Variants in SLC12A6 observed in about 807,000 individuals in gnomAD.
The protein encoded by SLC12A6 is K-Cl cotransporter 3.
SLC12A6 carries 66 observed loss-of-function variants against 135.3 expected under a neutral mutation model. The observed-to-expected ratio is 0.49, with a 90% CI of 0.40 to 0.60. SLC12A6 has a LOEUF of 0.60. Ranked by LOEUF, SLC12A6 falls within the 20% of genes least tolerant of loss-of-function variation. The pLI, the probability that SLC12A6 is intolerant of heterozygous loss-of-function variation, is 0.00. For missense variants in SLC12A6, 1,058 were observed against 1,452.3 expected (o/e 0.73, Z 4.41); for synonymous variants, 513 against 508.8 (o/e 1.01, Z -0.11).
intron 21 of SLC12A6, 108 bp from the exon 22 acceptor site, chr15:34,237,658 T>A: frequency 3.4e-6 from 3 of 895,016 alleles, no homozygotes; most frequent in Non-Finnish European, 5.5e-6. Context: ...ATATGTAGTA[T>A]AAGGCTATTT....
chr15:34,319,726 G>A (rs1176032205), intron 2 of SLC12A6, among the ~76,000 whole-genome samples: 2 of 151,794 alleles, frequency 1.3e-5, no homozygotes, highest in Non-Finnish European at 2.9e-5. Flanking sequence ...TTGAATCCAG[G>A]AGGCGGAGAT....
chr15:34,305,614 A>C (rs1896552969), intron 2 of SLC12A6, among the ~76,000 whole-genome samples: 1 of 152,022 alleles, frequency 6.6e-6, no homozygotes, highest in Non-Finnish European at 1.5e-5. Flanking sequence ...TCTAGCAGAG[A>C]TAGTTTTAAA....
Position 34,237,529 on chromosome 15 carries a change from G to A in SLC12A6, c.2824C>T (p.Arg942Trp), listed in dbSNP as rs1433837086. The stretch of plus-strand genomic sequence containing the variant: ...TCTAATTGGGCTACTGTGAAGATCC[G>A]TATGCTGCACTTTCGCCACACCTGA... ...QHKVWRKCSI[R>W]IFTVAQLEDN... is the part of the protein sequence containing the mutation. Residue 942 changes from arginine (R) to tryptophan (W), a missense_variant, in exon 22 of 26, where the codon CGG (arginine) becomes TGG (tryptophan). By Grantham distance (101) the Arg-to-Trp change is moderately radical. Transcript: ENST00000354181. 1 of 1,611,722 alleles carries A rather than the reference G, an allele frequency of 6.2e-7. No homozygotes were observed. The highest frequency in any genetic ancestry group is 1.7e-5 in the Admixed American group (1 of 59,982).
At chr15:34,244,334 TA>T (rs1891844189) in intron 15 of SLC12A6, among the ~76,000 whole-genome samples, 1 of 152,244 alleles carries the variant, frequency 6.6e-6, no homozygotes, top group Admixed American at 6.5e-5. Flanking sequence ...CAAATTCACT[TA>T]CCAAGTCCTA....
chr15:34,247,629 CAG>C (rs765088247), intron 13 of SLC12A6, among the ~76,000 whole-genome samples: 6 of 151,946 alleles, frequency 3.9e-5, no homozygotes, highest in Non-Finnish European at 2.9e-5. Context: ...GGTCAAGAAA[CAG>C]AACACTGCCA....
chr15:34,231,055 T>TA lies in SLC12A6; in HGVS notation c.*2825dup, dbSNP rs1451532139. On this transcript the variant is annotated 3_prime_UTR_variant, in exon 26 of 26. Transcript: ENST00000354181. Reference sequence around the variant, plus strand: ...GGCTGACCTTTACAGTATGGGCCTTTAAGATACTGGATCCTGGTTGGGCAC... The same window carrying TA: ...GGCTGACCTTTACAGTATGGGCCTTTAAAGATACTGGATCCTGGTTGGGCAC... The TA allele has an allele frequency of 2.0e-5, 3 of 152,280 alleles. No homozygotes were observed. Among genetic ancestry groups the TA allele is most frequent in the African/African-American group, 7.2e-5 (3 of 41,462 alleles). 9.4% of individuals were successfully genotyped at this position (152,280 alleles called of 1,614,324 possible).
chr15:34,254,480 A>G lies in SLC12A6; in HGVS notation c.986T>C (p.Met329Thr), dbSNP rs775696544. 114 of 1,613,898 alleles carry G rather than the reference A, an allele frequency of 7.1e-5. 1 individual carries two copies. The South Asian group carries it at 1.1e-3, about 16-fold the overall frequency. The stretch of plus-strand genomic sequence containing the variant: ...TACGCCGATAAATACCACTAATACC[A>G]TAAGGACCAAGAAAGCTGTGCCGTA... ...RVYGTAFLVL[M>T]VLVVFIGVRY... Residue 329 changes from methionine (M) to threonine (T), a missense_variant, in exon 9 of 26, where the codon ATG becomes ACG. Physicochemically the swap from Met to Thr is moderately conservative, Grantham distance 81 (BLOSUM62 -1). Coordinates refer to ENST00000354181, the MANE Select transcript of SLC12A6 (RefSeq NM_001365088.1).
chr15:34,267,229 TCTC>T (rs933517881), intron 3 of SLC12A6, among the ~76,000 whole-genome samples: 10 of 144,010 alleles, frequency 6.9e-5, no homozygotes, highest in African/African-American at 1.3e-4. Flanking sequence ...TTCCCAGTAG[TCTC>T]TTTTTAAAAA....
chr15:34,250,722 CATG>C lies in SLC12A6; in HGVS notation c.1497_1499del (p.Ile499del). 1 of 1,587,842 alleles carries C rather than the reference CATG, an allele frequency of 6.3e-7. No individual in the cohort carries two copies. Among genetic ancestry groups the C allele is most frequent in the Non-Finnish European group, 8.6e-7 (1 of 1,156,144 alleles). On this transcript the variant is annotated inframe_deletion, in exon 12 of 26. Coordinates refer to ENST00000354181, the MANE Select transcript of SLC12A6 (RefSeq NM_001365088.1). Reference sequence around the variant, plus strand: ...GATCTCCAGATCTGTTTGATCCAGCCATGATACCTTTAGAGATAAGGGGGAAAA... The same window carrying C: ...GATCTCCAGATCTGTTTGATCCAGCCATACCTTTAGAGATAAGGGGGAAAA...
In SLC12A6 at chr15:34,336,432, A is replaced by T. The variant is rs771560750; in HGVS notation, c.249T>A (p.Ser83=). ...VALDPPSDRT[S]HPQDVIEDLS... ...TACCCTCGATGACATCCTGGGGGTG[A>T]GAAGTCCGGTCACTGGGTGGATCCA... is the stretch of plus-strand genomic sequence containing the variant. The change falls in exon 2 of 26, where the codon TCT becomes TCA. Residue 83 remains serine (S), a synonymous_variant. Coordinates refer to ENST00000354181, the MANE Select transcript of SLC12A6 (RefSeq NM_001365088.1). 6.2e-7 allele frequency: 1 copy of T among 1,613,916 alleles called. No homozygotes were observed. The highest frequency in any genetic ancestry group is 8.5e-7 in the Non-Finnish European group (1 of 1,179,896).
In SLC12A6 at chr15:34,231,364, G is replaced by GGAA; in HGVS notation, c.*2516_*2517insTTC. On this transcript the variant is annotated 3_prime_UTR_variant, in exon 26 of 26. Transcript: ENST00000354181. ...GCAACAAGAGCGAAACTACGTCTCGGAAAAAAAAAAAAAAGATACTGGATC... is the reference window on the plus strand; with the variant it reads ...GCAACAAGAGCGAAACTACGTCTCGGGAAAAAAAAAAAAAAAAGATACTGGATC... 2 of 138,082 alleles carry GGAA rather than the reference G, an allele frequency of 1.4e-5. No homozygotes were observed. The highest frequency in any genetic ancestry group is 2.2e-4 in the East Asian group (1 of 4,622). The allele number at this position is 138,082 out of a possible 1,614,324, so 8.6% of individuals were successfully genotyped here.
intron 2 of SLC12A6, among the ~76,000 whole-genome samples, chr15:34,278,650 C>T (rs189435427): frequency 2.8e-4 from 42 of 152,064 alleles, no homozygotes; most frequent in African/African-American, 9.9e-4. Context: ...CGGCTCACTG[C>T]AACCTCCACC....
rs1057523886 is a variant in SLC12A6, at chr15:34,275,337, T to A, written c.316+8A>T. The A allele has an allele frequency of 2.1e-6, 3 of 1,424,712 alleles. No homozygotes were observed. Among genetic ancestry groups the A allele is most frequent in the Non-Finnish European group, 3.0e-6 (3 of 1,007,970 alleles). 88.3% of individuals were successfully genotyped at this position (1,424,712 alleles called of 1,614,324 possible). A position where few individuals can be genotyped will look rare whatever the true frequency, so the allele number is the denominator to read the frequency against. On this transcript the variant is annotated splice_region_variant and intron_variant, in intron 3 of 25. Transcript: ENST00000354181. ...TGGATAAAGTCAATCCCCACAGTAA[T>A]ACTATACCTAACAGTTGGCTGTGTT...
At chr15:34,328,078 C>T (rs929607353) in intron 2 of SLC12A6, among the ~76,000 whole-genome samples, 2 of 151,512 alleles carry the variant, frequency 1.3e-5, no homozygotes, top group African/African-American at 4.9e-5. Context: ...GAGACTGAAA[C>T]CCAGCTCTGA....
intron 2 of SLC12A6, among the ~76,000 whole-genome samples, chr15:34,305,074 C>T (rs909914308): frequency 2.2e-4 from 34 of 152,196 alleles, no homozygotes; most frequent in African/African-American, 8.2e-4. Context: ...CTTCTACCAT[C>T]TCCTAGTTTC....
chr15:34,244,290 G>A (rs1891842253), intron 15 of SLC12A6, among the ~76,000 whole-genome samples: 1 of 152,160 alleles, frequency 6.6e-6, no homozygotes, highest in Non-Finnish European at 1.5e-5. Context: ...TTGTTCTTAG[G>A]ATAATCCAGG....
chr15:34,322,893 G>A lies in SLC12A6; in HGVS notation c.271+13517C>T, dbSNP rs527759899. Among the ~76,000 whole-genome samples, 11 of 144,094 alleles carry A rather than the reference G, an allele frequency of 7.6e-5. No individual in the cohort carries two copies. The East Asian group carries it at 1.6e-3, about 21-fold the overall frequency. 94.5% of individuals were successfully genotyped at this position (144,094 alleles called of 152,430 possible). ...CTCGGGAGGCTGAGGCAGGAGAATC[G>A]CTTGAACCCAGGCAGGTGGAAGTTG... On this transcript the variant is annotated intron_variant, in intron 2 of 25. Transcript: ENST00000354181.
At chr15:34,293,593 C>T (rs1016830960) in intron 2 of SLC12A6, among the ~76,000 whole-genome samples, 5 of 152,214 alleles carry the variant, frequency 3.3e-5, no homozygotes, top group East Asian at 1.9e-4. Flanking sequence ...CATGAGCCAT[C>T]GCGCCTAGCC....
intron 24 of SLC12A6, 100 bp downstream of exon 24, chr15:34,235,915 G>A: frequency 1.1e-6 from 1 of 919,572 alleles, no homozygotes; most frequent in Middle Eastern, 2.1e-4. Context: ...GCTAGATTCA[G>A]GGTGAAATGA....
Sources: allele counts gnomAD v4.1 joint callset (sites outside exome capture counted in the v4.1 genomes callset), GRCh38; gene constraint gnomAD v4.1.1; transcripts MANE v1.5; gene names NCBI Gene and HGNC (gene_info 2026-07-23, HGNC 2026-07-21).